Variants in SYNPR observed in about 807,000 individuals in gnomAD.
The protein encoded by SYNPR is synaptoporin.
SYNPR carries 23 observed loss-of-function variants against 32.9 expected under a neutral mutation model. The ratio of observed to expected loss-of-function variants is 0.70; its 90% CI spans 0.50 to 0.99. The LOEUF (loss-of-function observed/expected upper bound fraction) is 0.99. Ranked by LOEUF, SYNPR falls within the 50% of genes least tolerant of loss-of-function variation. The probability of loss-of-function intolerance (pLI) is 0.00; values close to 1 mark genes in which losing one functional copy is unlikely to be tolerated. For missense variants in SYNPR, 318 were observed against 349.3 expected, an observed-to-expected ratio of 0.91 and a Z score of 0.71; for synonymous variants, 146 against 135.9, an observed-to-expected ratio of 1.07 and a Z score of -0.52.
At chr3:63,232,077 A>C (rs555620251) in intron 1 of SYNPR, among the ~76,000 whole-genome samples, 1 of 152,254 alleles carries the variant, frequency 6.6e-6, no homozygotes, top group South Asian at 2.1e-4. Context: ...AAAAAAGCAC[A>C]GGAGATATGA....
chr3:63,581,766 C>T (rs1367901098), intron 4 of SYNPR, among the ~76,000 whole-genome samples: 2 of 151,948 alleles, frequency 1.3e-5, no homozygotes, highest in African/African-American at 4.8e-5. Flanking sequence ...TTAAAGTTTA[C>T]TTTGACTCTT....
intron 2 of SYNPR, among the ~76,000 whole-genome samples, chr3:63,288,730 A>T (rs923584220): frequency 4.6e-5 from 7 of 152,204 alleles, no homozygotes; most frequent in African/African-American, 1.7e-4. Context: ...AGAAGACTAC[A>T]TTAATTATTA....
chr3:63,513,289 C>T (rs893334679), intron 3 of SYNPR, among the ~76,000 whole-genome samples: 1 of 151,928 alleles, frequency 6.6e-6, no homozygotes, highest in African/African-American at 2.4e-5. Flanking sequence ...CTGAGGGATT[C>T]TCCCACCTCA....
chr3:63,566,700 C>A (rs1702794609), intron 4 of SYNPR, among the ~76,000 whole-genome samples: 1 of 152,154 alleles, frequency 6.6e-6, no homozygotes, highest in Admixed American at 6.5e-5. Context: ...TGACTTTGGA[C>A]TGATGGTTAT....
upstream of SYNPR, among the ~76,000 whole-genome samples, chr3:63,226,017 A>G (rs889391117): frequency 6.6e-6 from 1 of 152,198 alleles, no homozygotes; most frequent in Non-Finnish European, 1.5e-5. Context: ...AAGGAAAAAT[A>G]TAAAAAATTA....
At position 63,313,765 on chromosome 3, in the gene SYNPR, A is replaced by G. The variant is rs1361166867; in HGVS notation, c.84+35023A>G. Among the ~76,000 whole-genome samples, 86 of 44,698 alleles carry G rather than the reference A, an allele frequency of 1.9e-3. 18 individuals are homozygous for G. The highest frequency in any genetic ancestry group is 6.2e-3 in the Admixed American group (22 of 3,572). 29.3% of individuals were successfully genotyped at this position (44,698 alleles called of 152,430 possible). On this transcript the variant is annotated intron_variant, in intron 2 of 5. Transcript: ENST00000478300. ...TATATCCATATATATATCCATATAT[A>G]TATCCATATATATATATCCATATAT...
At chr3:63,418,131 T>C (rs1309092261) in intron 2 of SYNPR, among the ~76,000 whole-genome samples, 1 of 152,210 alleles carries the variant, frequency 6.6e-6, no homozygotes, top group East Asian at 1.9e-4. Flanking sequence ...AGTCACCTCT[T>C]GAATGCTTTG....
intron 4 of SYNPR, among the ~76,000 whole-genome samples, chr3:63,606,439 T>TTTTTTTTTTTTTTTTTTTTGAA (rs1553651989): frequency 1.4e-5 from 2 of 145,934 alleles, no homozygotes; most frequent in South Asian, 2.3e-4. Context: ...TTTTTTTTTT[T>TTTTTTTTTTTTTTTTTTTTGAA]AGCAATGAGA....
Position 63,335,957 on chromosome 3 carries a change from A to G in SYNPR, c.84+57215A>G, listed in dbSNP as rs190073635. Among the ~76,000 whole-genome samples, 61 of 151,634 alleles carry G rather than the reference A, an allele frequency of 4.0e-4. 1 individual carries two copies. The East Asian group carries it at 0.01, about 26-fold the overall frequency. On this transcript the variant is annotated intron_variant, in intron 2 of 5. Transcript: ENST00000478300. ...ACACCCAGCTAATTTTGTATTTGTA[A>G]TAGAGACGGGGTTACTCCATGTTGG... is the stretch of plus-strand genomic sequence containing the variant.
At chr3:63,568,906 A>G (rs1055692322) in intron 4 of SYNPR, among the ~76,000 whole-genome samples, 1 of 152,180 alleles carries the variant, frequency 6.6e-6, no homozygotes, top group Admixed American at 6.5e-5. Flanking sequence ...AATAATTTCT[A>G]TCTCTTCTGT....
chr3:63,429,790 G>C (rs1271567289), intron 2 of SYNPR, among the ~76,000 whole-genome samples: 1 of 152,164 alleles, frequency 6.6e-6, no homozygotes, highest in East Asian at 1.9e-4. Context: ...ATGCTTTCAA[G>C]TTCTTCTTTC....
At chr3:63,562,083 A>G (rs1198252490) in intron 4 of SYNPR, among the ~76,000 whole-genome samples, 2 of 152,182 alleles carry the variant, frequency 1.3e-5, no homozygotes, top group Non-Finnish European at 2.9e-5. Flanking sequence ...AGAAAGCAGA[A>G]ATGTCCGTGT....
intron 2 of SYNPR, among the ~76,000 whole-genome samples, chr3:63,282,684 G>GA (rs34234414): frequency 0.43 from 49,657 of 115,798 alleles, 11,469 homozygotes; most frequent in Non-Finnish European, 0.55. Flanking sequence ...CACTGTCTCA[G>GA]AAAAAAAAAA....
At chr3:63,529,111 C>T (rs890977721) in intron 3 of SYNPR, among the ~76,000 whole-genome samples, 3 of 152,084 alleles carry the variant, frequency 2.0e-5, no homozygotes, top group African/African-American at 4.8e-5. Flanking sequence ...ATTTTTTTCC[C>T]GCATTTATAC....
intron 1 of SYNPR, among the ~76,000 whole-genome samples, chr3:63,246,444 T>C (rs568867817): frequency 2.0e-5 from 3 of 152,196 alleles, no homozygotes; most frequent in Middle Eastern, 3.4e-3. Flanking sequence ...GGAGGTGCAG[T>C]GAACAGATTC....
intron 3 of SYNPR, among the ~76,000 whole-genome samples, chr3:63,539,598 T>C (rs1397789920): frequency 6.6e-6 from 1 of 152,056 alleles, no homozygotes; most frequent in African/African-American, 2.4e-5. Flanking sequence ...GAGTAACAAC[T>C]TTAAAAATGG....
At chr3:63,520,748 G>C (rs894839581) in intron 3 of SYNPR, among the ~76,000 whole-genome samples, 1 of 151,996 alleles carries the variant, frequency 6.6e-6, no homozygotes, top group Non-Finnish European at 1.5e-5. Flanking sequence ...TACCCAGCTA[G>C]TGAGAGGTGA....
rs187148399 is a variant in SYNPR at position 63,439,607 on chromosome 3, T to G, written c.85-41225T>G. On this transcript the variant is annotated intron_variant, in intron 2 of 5. Transcript: ENST00000478300. ...TAAGCAAAACCCTGGGAACCCAAGCTTCTAAAAAAGCAACTGATCAATATA... is the reference window on the plus strand; with the variant it reads ...TAAGCAAAACCCTGGGAACCCAAGCGTCTAAAAAAGCAACTGATCAATATA... 1.2e-3 allele frequency among the ~76,000 whole-genome samples: 177 copies of G among 152,310 alleles called. 1 individual carries two copies. The highest frequency in any genetic ancestry group is 1.5e-3 in the Non-Finnish European group (102 of 68,022).
At chr3:63,304,624 A>G (rs1383084347) in intron 2 of SYNPR, among the ~76,000 whole-genome samples, 1 of 151,934 alleles carries the variant, frequency 6.6e-6, no homozygotes, top group Non-Finnish European at 1.5e-5. Flanking sequence ...AATCATATGA[A>G]TGACTCATGC....
Sources: allele counts gnomAD v4.1 joint callset (sites outside exome capture counted in the v4.1 genomes callset), GRCh38; gene constraint gnomAD v4.1.1; transcripts MANE v1.5; gene names NCBI Gene and HGNC (gene_info 2026-07-23, HGNC 2026-07-21).